CAPN7: variants seen among roughly 807,000 people sequenced by gnomAD.
CAPN7 encodes calpain 7.
Under a neutral mutation model 115.2 loss-of-function variants are expected in CAPN7, and 72 were observed. The observed-to-expected ratio is 0.63, with a 90% CI of 0.52 to 0.76. CAPN7 has a LOEUF of 0.76. CAPN7 is among the 30% of genes least tolerant of loss of function. The pLI is 0.00. For missense variants in CAPN7, 905 were observed against 971.5 expected (o/e 0.93, Z 0.91); for synonymous variants, 344 against 322.3 (o/e 1.07, Z -0.72).
chr3:15,251,047 T>C, intron 20 of CAPN7, 24 bp downstream of exon 20: 1 of 1,600,402 alleles, frequency 6.2e-7, no homozygotes, highest in Non-Finnish European at 8.5e-7. Context: ...TTTTATTGTA[T>C]CTATTTTATA....
rs552228255 is a variant in CAPN7 at position 15,225,787 on chromosome 3, T to C, written c.726-2052T>C. Among the ~76,000 whole-genome samples the C allele has an allele frequency of 9.8e-5, 15 of 152,332 alleles. No individual in the cohort carries two copies. The South Asian group carries it at 2.1e-3, about 21-fold the overall frequency. ...GTATAGTAGGTATTCAATAAATATT[T>C]CTTGAAGTAGTTAAATTGGGAGAAA... On this transcript the variant is annotated intron_variant, in intron 6 of 20. Coordinates refer to ENST00000253693, the MANE Select transcript of CAPN7 (RefSeq NM_014296.3).
Position 15,242,205 on chromosome 3 carries a change from A to T in CAPN7, c.1816A>T (p.Ile606Phe). The stretch of plus-strand genomic sequence containing the variant: ...TGATTTTGCGAATAATCGAGAATTT[A>T]TCACAATGGTTGTATACAAGACTGA... ...KDDFANNREF[I>F]TMVVYKTDGK... Residue 606 changes from isoleucine to phenylalanine, a missense_variant, in exon 16 of 21, where the codon ATC becomes TTC. This residue lies in a region of CAPN7 where 620 missense variants were observed against 703.4 expected (regional missense o/e 0.88). Coordinates refer to ENST00000253693, the MANE Select transcript of CAPN7 (RefSeq NM_014296.3). 6.2e-7 allele frequency: 1 copy of T among 1,605,328 alleles called. No individual in the cohort carries two copies. Among genetic ancestry groups the T allele is most frequent in the Non-Finnish European group, 8.5e-7 (1 of 1,177,866 alleles).
At position 15,242,192 on chromosome 3, in the gene CAPN7, T is replaced by C; in HGVS notation, c.1803T>C (p.Asn601=). 1 of 1,602,156 alleles carries C rather than the reference T, an allele frequency of 6.2e-7. No homozygotes were observed. The highest frequency in any genetic ancestry group is 1.1e-5 in the South Asian group (1 of 87,826). Residue 601 remains asparagine (N), a synonymous_variant, in exon 16 of 21, where the codon AAT becomes AAC. Transcript: ENST00000253693. ...RHITDKDDFA[N]NREFITMVVY... ...TGTGATTTTAGGATGATTTTGCGAATAATCGAGAATTTATCACAATGGTTG... is the reference window on the plus strand; with the variant it reads ...TGTGATTTTAGGATGATTTTGCGAACAATCGAGAATTTATCACAATGGTTG...
chr3:15,245,439 C>T (rs1695601537), intron 16 of CAPN7, 87 bp from the exon 17 acceptor site: 3 of 1,186,036 alleles, frequency 2.5e-6, no homozygotes, highest in South Asian at 3.0e-5. Flanking sequence ...AGGAGATGTC[C>T]ATCCAAGTAA....
intron 15 of CAPN7, among the ~76,000 whole-genome samples, 159 bp downstream of exon 15, chr3:15,241,747 GTATTT>G (rs1695363952): frequency 6.6e-6 from 1 of 152,152 alleles, no homozygotes; most frequent in South Asian, 2.1e-4. Flanking sequence ...AAGGAAATTT[GTATTT>G]TATAATTATA....
chr3:15,207,047 C>T lies in CAPN7; in HGVS notation c.102+450C>T, dbSNP rs115020034. Among the ~76,000 whole-genome samples, 814 of 152,320 alleles carry T rather than the reference C, an allele frequency of 5.3e-3. 9 individuals are homozygous for T. Among genetic ancestry groups the T allele is most frequent in the African/African-American group, 0.019 (780 of 41,566 alleles). On this transcript the variant is annotated intron_variant, in intron 1 of 20. Transcript: ENST00000253693. ...TTGACATACAGTCATGCGTCCTTAG[C>T]GATGTGATATTTTCTGAGAAATGTG...
rs1247892575 is a variant in CAPN7 at position 15,218,494 on chromosome 3, G to A, written c.391G>A (p.Val131Ile). Residue 131 changes from valine to isoleucine, a missense_variant, in exon 4 of 21, where the codon GTC becomes ATC. Val to Ile is a conservative substitution (Grantham distance 29). Transcript: ENST00000253693. Reference protein sequence around the residue: ...LKTSYETADKVLQNKLKQLAR... With the variant: ...LKTSYETADKILQNKLKQLAR... ...TAAGTCTTATGAAACTGCTGATAAA[G>A]TCCTGCAAAATAAACTGAAACAGTT... 4 of 1,612,690 alleles carry A rather than the reference G, an allele frequency of 2.5e-6. No individual in the cohort carries two copies. The highest frequency in any genetic ancestry group is 3.4e-6 in the Non-Finnish European group (4 of 1,178,896).
chr3:15,206,349 G>T lies in CAPN7; in HGVS notation c.-147G>T. 8.6e-6 allele frequency: 5 copies of T among 583,348 alleles called. No homozygotes were observed. Among genetic ancestry groups the T allele is most frequent in the Non-Finnish European group, 1.5e-5 (5 of 338,250 alleles). The allele number at this position is 583,348 out of a possible 1,614,324, so 36.1% of individuals were successfully genotyped here. On this transcript the variant is annotated 5_prime_UTR_variant, in exon 1 of 21. Transcript: ENST00000253693. Reference sequence around the variant, plus strand: ...TGGACCCCAGCCCGGCAACGGGAAGGCGAGCTCTCCTCCACCGTCCAAAGT... The same window carrying T: ...TGGACCCCAGCCCGGCAACGGGAAGTCGAGCTCTCCTCCACCGTCCAAAGT...
intron 4 of CAPN7, among the ~76,000 whole-genome samples, chr3:15,218,762 T>C (rs960097943): frequency 2.0e-5 from 3 of 152,250 alleles, no homozygotes; most frequent in Admixed American, 1.3e-4. Flanking sequence ...AATTTTAGTT[T>C]AGAACAGAAA....
intron 19 of CAPN7, among the ~76,000 whole-genome samples, chr3:15,248,763 C>G (rs187966735): frequency 5.3e-5 from 8 of 152,190 alleles, no homozygotes; most frequent in Admixed American, 1.3e-4. Flanking sequence ...AAGGCCAAGA[C>G]AGGAGGATCG....
At chr3:15,231,244 T>C (rs1188943938) in intron 9 of CAPN7, among the ~76,000 whole-genome samples, 1 of 152,194 alleles carries the variant, frequency 6.6e-6, no homozygotes, top group East Asian at 1.9e-4. Flanking sequence ...TTATCTGTTA[T>C]TAAAACACAG....
At chr3:15,209,641 A>G (rs546865363) in intron 1 of CAPN7, among the ~76,000 whole-genome samples, 2 of 152,190 alleles carry the variant, frequency 1.3e-5, no homozygotes, top group Non-Finnish European at 2.9e-5. Flanking sequence ...GAATCCTTTT[A>G]GACTTTTTTG....
chr3:15,217,589 A>G lies in CAPN7; in HGVS notation c.369+7A>G. Reference sequence around the variant, plus strand: ...GGATCTCTGTCTGAAAACAGTGTGTATAGCTACAAATTACGTTTGATGAGT... The same window carrying G: ...GGATCTCTGTCTGAAAACAGTGTGTGTAGCTACAAATTACGTTTGATGAGT... On this transcript the variant is annotated splice_region_variant and intron_variant, in intron 3 of 20. Transcript: ENST00000253693. The G allele has an allele frequency of 1.2e-6, 2 of 1,600,378 alleles. No homozygotes were observed. Among genetic ancestry groups the G allele is most frequent in the Non-Finnish European group, 1.7e-6 (2 of 1,173,480 alleles).
intron 1 of CAPN7, among the ~76,000 whole-genome samples, chr3:15,210,596 C>CTTTTT (rs371169868): frequency 9.6e-6 from 1 of 104,428 alleles, no homozygotes. Flanking sequence ...TGCTTCCTTC[C>CTTTTT]TTTTTTTTTT....
chr3:15,231,229 G>A (rs2124957151), intron 9 of CAPN7, among the ~76,000 whole-genome samples: 1 of 152,286 alleles, frequency 6.6e-6, no homozygotes, highest in East Asian at 1.9e-4. Flanking sequence ...TCACCTGGCA[G>A]GTGATTATCT....
chr3:15,218,412 G>A (rs1693769034), intron 3 of CAPN7, 61 bp from the exon 4 acceptor site: 1 of 1,295,894 alleles, frequency 7.7e-7, no homozygotes, highest in Non-Finnish European at 1.1e-6. Context: ...TTAGAAATAT[G>A]GATCAAGCAA....
In CAPN7 at chr3:15,233,009, C is replaced by G. The variant is rs533837836; in HGVS notation, c.1179+344C>G. Among the ~76,000 whole-genome samples, 3 of 152,228 alleles carry G rather than the reference C, an allele frequency of 2.0e-5. No individual in the cohort carries two copies. The East Asian group carries it at 5.8e-4, about 29-fold the overall frequency. On this transcript the variant is annotated intron_variant, in intron 10 of 20. Coordinates refer to ENST00000253693, the MANE Select transcript of CAPN7 (RefSeq NM_014296.3). ...AGTTACTTGTTTTATCCAGTCTTAA[C>G]AGAACTTAACCTATAAGATTGAGGT...
chr3:15,250,966 C>G lies in CAPN7; in HGVS notation c.2240C>G (p.Ser747Cys). 6.2e-7 allele frequency: 1 copy of G among 1,613,378 alleles called. No homozygotes were observed. The highest frequency in any genetic ancestry group is 8.5e-7 in the Non-Finnish European group (1 of 1,179,436). Reference sequence around the variant, plus strand: ...GTTGGATTTGAGGTTGTAACAGTTTCTACTCTAGGAGATCCTGGTCCCCAT... The same window carrying G: ...GTTGGATTTGAGGTTGTAACAGTTTGTACTCTAGGAGATCCTGGTCCCCAT... ...YSVGFEVVTV[S>C]TLGDPGPHGF... Residue 747 changes from serine to cysteine, a missense_variant, in exon 20 of 21, where the codon TCT (serine) becomes TGT (cysteine). By Grantham distance (112) the Ser-to-Cys change is moderately radical (BLOSUM62 -1). This residue lies in a region of CAPN7 where 620 missense variants were observed against 703.4 expected (regional missense o/e 0.88). Transcript: ENST00000253693.
intron 18 of CAPN7, 126 bp from the exon 19 acceptor site, chr3:15,247,201 A>T (rs979789958): frequency 4.5e-6 from 3 of 667,960 alleles, no homozygotes; most frequent in Non-Finnish European, 7.4e-6. Context: ...TAAAGATGGG[A>T]GAGAGGGGTT....
Sources: gnomAD v4.1 joint callset for allele counts (sites outside exome capture counted in the v4.1 genomes callset) on GRCh38, gnomAD v4.1.1 for gene constraint, gnomAD v4.1.1 regional missense constraint, MANE v1.5 for transcripts, NCBI Gene and HGNC (gene_info 2026-07-23, HGNC 2026-07-21) for gene names.